Variants in NOTCH2 observed in about 807,000 individuals in gnomAD.
NOTCH2 encodes neurogenic locus notch homolog protein 2.
A neutral mutation model predicts 235.8 loss-of-function variants in NOTCH2; 29 were observed. That is an observed-to-expected ratio of 0.12 (90% CI 0.09 to 0.17). The LOEUF is 0.17. Ranked by LOEUF, NOTCH2 falls within the 10% of genes least tolerant of loss-of-function variation. The pLI, the probability that NOTCH2 is intolerant of heterozygous loss-of-function variation, is 1.00. For missense variants in NOTCH2, 2,285 were observed against 3,150.2 expected, an observed-to-expected ratio of 0.73 and a Z score of 6.57; for synonymous variants, 1,086 against 1,141.5, an observed-to-expected ratio of 0.95 and a Z score of 0.98.
chr1:119,932,616 T>C (rs587636140), intron 22 of NOTCH2, among the ~76,000 whole-genome samples: 8 of 126,624 alleles, frequency 6.3e-5, no homozygotes, highest in Admixed American at 4.6e-4. Flanking sequence ...AATATCTATC[T>C]ATCTATCTAT....
chr1:120,069,413 G>T lies in NOTCH2; in HGVS notation c.-7C>A. On this transcript the variant is annotated 5_prime_UTR_variant, in exon 1 of 34. Coordinates refer to ENST00000256646, the MANE Select transcript of NOTCH2 (RefSeq NM_024408.4). Reference sequence around the variant, plus strand: ...CGGGGCGCAGGGCGGGCATCTTCTCGGTCGCCTCCTCCTCCGCCGCCGCCG... The same window carrying T: ...CGGGGCGCAGGGCGGGCATCTTCTCTGTCGCCTCCTCCTCCGCCGCCGCCG... 6.5e-7 allele frequency: 1 copy of T among 1,542,316 alleles called. No individual in the cohort carries two copies. Among genetic ancestry groups the T allele is most frequent in the African/African-American group, 1.4e-5 (1 of 72,190 alleles).
intron 5 of NOTCH2, among the ~76,000 whole-genome samples, chr1:119,975,847 C>T (rs1651560137): frequency 6.6e-6 from 1 of 152,132 alleles, no homozygotes; most frequent in Admixed American, 6.5e-5. Flanking sequence ...TTATGGCTCT[C>T]TCAAGGCAAG....
At chr1:119,964,335 GAAA>G (rs1553199394) in intron 10 of NOTCH2, among the ~76,000 whole-genome samples, 1 of 152,084 alleles carries the variant, frequency 6.6e-6, no homozygotes. Context: ...GAATTTAAAA[GAAA>G]AAGAGACAAG....
chr1:119,954,491 G>C (rs1650605677), intron 13 of NOTCH2, among the ~76,000 whole-genome samples: 1 of 152,220 alleles, frequency 6.6e-6, no homozygotes, highest in African/African-American at 2.4e-5. Context: ...TGCAGCAAGA[G>C]TATAAGAGCG....
Position 119,969,497 on chromosome 1 carries a change from C to T in NOTCH2, c.1108+14G>A, listed in dbSNP as rs377649578. 1.6e-3 allele frequency: 2,513 copies of T among 1,611,744 alleles called. 3 individuals are homozygous for T. The highest frequency in any genetic ancestry group is 2.4e-3 in the Admixed American group (144 of 59,888). On this transcript the variant is annotated intron_variant, in intron 6 of 33. Transcript: ENST00000256646. ...CCCCTTCCCTGTTTCTAGATCCGTCCTTCTGCTACCTACCTGCCTTCCCCT... is the reference window on the plus strand; with the variant it reads ...CCCCTTCCCTGTTTCTAGATCCGTCTTTCTGCTACCTACCTGCCTTCCCCT...
At chr1:119,929,453 C>G (rs1649580670) in intron 22 of NOTCH2, among the ~76,000 whole-genome samples, 1 of 152,148 alleles carries the variant, frequency 6.6e-6, no homozygotes, top group African/African-American at 2.4e-5. Context: ...CCCACACAAT[C>G]CAGTGAAGTA....
At chr1:120,000,800 A>G (rs1652719354) in intron 3 of NOTCH2, among the ~76,000 whole-genome samples, 1 of 152,068 alleles carries the variant, frequency 6.6e-6, no homozygotes, top group Non-Finnish European at 1.5e-5. Context: ...ATTTTCAGTG[A>G]CTTACATCAT....
intron 1 of NOTCH2, among the ~76,000 whole-genome samples, chr1:120,065,365 A>C (rs1310961824): frequency 6.6e-6 from 1 of 152,182 alleles, no homozygotes; most frequent in African/African-American, 2.4e-5. Flanking sequence ...GGGGTAGGGT[A>C]TGGGCATTAG....
At chr1:119,985,937 A>C (rs1652004254) in intron 5 of NOTCH2, among the ~76,000 whole-genome samples, 1 of 152,212 alleles carries the variant, frequency 6.6e-6, no homozygotes, top group Non-Finnish European at 1.5e-5. Flanking sequence ...GGGAATTAAA[A>C]GCAGAAATGT....
At chr1:119,957,828 A>AC (rs1557821570) in intron 12 of NOTCH2, among the ~76,000 whole-genome samples, 7 of 136,682 alleles carry the variant, frequency 5.1e-5, no homozygotes, top group Non-Finnish European at 1.1e-4. Context: ...AGCCTTATAT[A>AC]AACACACACA....
intron 5 of NOTCH2, among the ~76,000 whole-genome samples, chr1:119,985,367 CATCTT>C (rs1450870189): frequency 2.0e-5 from 3 of 152,076 alleles, no homozygotes; most frequent in Non-Finnish European, 4.4e-5. Flanking sequence ...AAAACGGAAA[CATCTT>C]ATAAAGACTT....
chr1:119,936,855 A>ATT (rs587719963), intron 21 of NOTCH2, among the ~76,000 whole-genome samples: 4 of 147,772 alleles, frequency 2.7e-5, no homozygotes, highest in African/African-American at 9.8e-5. Context: ...GATGAGCAAC[A>ATT]TTTTTTTTTT....
chr1:119,997,310 A>G lies in NOTCH2; in HGVS notation c.438T>C (p.Asp146=), dbSNP rs782373493. The part of the protein sequence containing the change: ...GFTGKECQWT[D]ACLSHPCANG... The stretch of plus-strand genomic sequence containing the variant: ...TTGCACAGGGATGAGACAGGCAGGC[A>G]TCCGTCCATTGGCACTCCTTACCTA... Residue 146 remains aspartate, a synonymous_variant, in exon 4 of 34, where the codon GAT becomes GAC. Transcript: ENST00000256646. 6 of 1,613,910 alleles carry G rather than the reference A, an allele frequency of 3.7e-6. No homozygotes were observed. The East Asian group carries it at 1.3e-4, about 36-fold the overall frequency.
intron 12 of NOTCH2, among the ~76,000 whole-genome samples, chr1:119,956,679 G>A (rs921902360): frequency 6.6e-6 from 1 of 152,176 alleles, no homozygotes; most frequent in African/African-American, 2.4e-5. Context: ...GCCTCGGCCC[G>A]TAATATAGTG....
chr1:120,011,898 C>T (rs1314015033), intron 2 of NOTCH2, among the ~76,000 whole-genome samples: 1 of 150,126 alleles, frequency 6.7e-6, no homozygotes, highest in Non-Finnish European at 1.5e-5. Flanking sequence ...CGCCTGTAGT[C>T]CCAGCTACTC....
chr1:119,943,107 G>A (rs1650123578), intron 17 of NOTCH2, among the ~76,000 whole-genome samples: 1 of 151,918 alleles, frequency 6.6e-6, no homozygotes, highest in African/African-American at 2.4e-5. Context: ...GTGTCTATAT[G>A]TCTTTCTTCC....
intron 12 of NOTCH2, 72 bp from the exon 13 acceptor site, chr1:119,955,304 T>A (rs1366792153): frequency 6.7e-7 from 1 of 1,487,764 alleles, no homozygotes; most frequent in Admixed American, 1.7e-5. Context: ...ATAAGACACG[T>A]TATGTTGACA....
intron 2 of NOTCH2, among the ~76,000 whole-genome samples, chr1:120,010,371 A>T (rs1653138493): frequency 6.6e-6 from 1 of 152,148 alleles, no homozygotes; most frequent in Non-Finnish European, 1.5e-5. Flanking sequence ...CTAAAAGATG[A>T]TCACCAGCCT....
chr1:119,963,926 A>T (rs782040489), intron 10 of NOTCH2, 119 bp from the exon 11 acceptor site: 9 of 882,632 alleles, frequency 1.0e-5, no homozygotes, highest in Non-Finnish European at 1.7e-5. Flanking sequence ...TTAATACTGC[A>T]GGTCTTGAGC....
Sources: gnomAD v4.1 joint callset for allele counts (sites outside exome capture counted in the v4.1 genomes callset) on GRCh38, gnomAD v4.1.1 for gene constraint, MANE v1.5 for transcripts, NCBI Gene and HGNC (gene_info 2026-07-23, HGNC 2026-07-21) for gene names.